ESR2: variants seen among roughly 807,000 people sequenced by gnomAD.
ESR2 encodes the protein estrogen receptor beta.
Under a neutral mutation model 49.6 loss-of-function variants are expected in ESR2, and 36 were observed. That is an observed-to-expected ratio of 0.73 (90% CI 0.56 to 0.96). The LOEUF (loss-of-function observed/expected upper bound fraction) is 0.96. ESR2 is among the 40% of genes least tolerant of loss of function. The probability of loss-of-function intolerance (pLI) is 0.00; values close to 1 mark genes in which losing one functional copy is unlikely to be tolerated. For synonymous variants in ESR2, 320 were observed against 266.1 expected (o/e 1.20, Z -1.97); for missense variants, 714 against 693.0 (o/e 1.03, Z -0.34).
At chr14:64,237,894 T>C (rs965342104) in intron 7 of ESR2, among the ~76,000 whole-genome samples, 2 of 152,096 alleles carry the variant, frequency 1.3e-5, no homozygotes, top group Admixed American at 6.5e-5. Context: ...GAGTGGGAAA[T>C]GATGGCTAAG....
chr14:64,289,238 C>A (rs763550766), intron 1 of ESR2, among the ~76,000 whole-genome samples: 13 of 151,814 alleles, frequency 8.6e-5, no homozygotes, highest in Non-Finnish European at 1.8e-4. Context: ...TGAGGCCGGG[C>A]GCAGTGGCTC....
chr14:64,284,899 G>A (rs2076758137), intron 1 of ESR2, among the ~76,000 whole-genome samples: 1 of 151,050 alleles, frequency 6.6e-6, no homozygotes, highest in African/African-American at 2.4e-5. Context: ...ACCCAGGCTG[G>A]AGTGCAGTGG....
At chr14:64,235,948 T>G (rs1360355740) in intron 7 of ESR2, among the ~76,000 whole-genome samples, 1 of 152,208 alleles carries the variant, frequency 6.6e-6, no homozygotes, top group East Asian at 1.9e-4. Flanking sequence ...GACCCCTGCC[T>G]GACTCCTTGA....
At chr14:64,330,848 C>T (rs562680805) in intron 1 of ESR2, 2 of 151,606 alleles carry the variant, frequency 1.3e-5, no homozygotes, top group Admixed American at 1.3e-4. Flanking sequence ...TTGCTTGAAC[C>T]TGGCAGGCTG....
intron 1 of ESR2, among the ~76,000 whole-genome samples, chr14:64,321,582 T>C (rs2077324755): frequency 6.6e-6 from 1 of 152,172 alleles, no homozygotes; most frequent in Admixed American, 6.6e-5. Flanking sequence ...AGATGGACCA[T>C]TATGTCCCCA....
rs558540739 is a variant in ESR2 at position 64,316,877 on chromosome 14, C to G, written c.-91+21021G>C. Among the ~76,000 whole-genome samples the G allele has an allele frequency of 1.1e-4, 16 of 152,216 alleles. No homozygotes were observed. In the East Asian group the frequency reaches 3.1e-3, roughly 29 times the overall value. ...CATGAATATATACAAAAATCCTTAA[C>G]AAAATATTATCAAATCAAATTCAGC... is the stretch of plus-strand genomic sequence containing the variant. On this transcript the variant is annotated intron_variant, in intron 1 of 8. Coordinates refer to the ESR2 transcript ENST00000358599.
chr14:64,289,265 C>T (rs2076831399), intron 1 of ESR2, among the ~76,000 whole-genome samples: 1 of 152,126 alleles, frequency 6.6e-6, no homozygotes, highest in East Asian at 1.9e-4. Flanking sequence ...GTAACCCCAG[C>T]ACTTTGGGAG....
intron 1 of ESR2, among the ~76,000 whole-genome samples, chr14:64,311,741 A>G (rs1323752129): frequency 6.6e-6 from 1 of 151,912 alleles, no homozygotes; most frequent in African/African-American, 2.4e-5. Flanking sequence ...TGAGCTCAAG[A>G]GTTCAAGGCT....
At chr14:64,242,436 CAAACAAACA>C (rs2075749856) in intron 7 of ESR2, among the ~76,000 whole-genome samples, 5 of 94,722 alleles carry the variant, frequency 5.3e-5, no homozygotes, top group African/African-American at 2.9e-4. Flanking sequence ...ACAAAACAAA[CAAACAAACA>C]AAAAAAATAT....
In ESR2 at chr14:64,257,184, C is replaced by T. The variant is rs1169108348; in HGVS notation, c.1091+42G>A. The T allele has an allele frequency of 1.9e-6, 3 of 1,598,560 alleles. No homozygotes were observed. The Admixed American group carries it at 5.0e-5, about 27-fold the overall frequency. ...TTGTTCCCACTCACTAAGCACCTTA[C>T]TCAAACAAGTCAGAGAAGAAACACA... On this transcript the variant is annotated intron_variant, in intron 6 of 8. Transcript: ENST00000341099.
chr14:64,337,653 A>G (rs1385008501), intron 1 of ESR2: 1 of 152,228 alleles, frequency 6.6e-6, no homozygotes, highest in Non-Finnish European at 1.5e-5. Context: ...ACGTTATGGT[A>G]TGTACATTAT....
intron 3 of ESR2, among the ~76,000 whole-genome samples, chr14:64,274,892 C>A (rs938247136): frequency 3.3e-5 from 5 of 152,132 alleles, no homozygotes; most frequent in African/African-American, 4.8e-5. Context: ...GGTTTAATTT[C>A]CATGTTTGTA....
intron 1 of ESR2, among the ~76,000 whole-genome samples, chr14:64,320,095 C>CAA (rs558093344): frequency 3.3e-4 from 48 of 144,632 alleles, no homozygotes; most frequent in African/African-American, 9.9e-4. Flanking sequence ...ATATTATTTG[C>CAA]AAAAAAAAAA....
At chr14:64,273,785 C>A (rs569646909) in intron 3 of ESR2, among the ~76,000 whole-genome samples, 5 of 152,098 alleles carry the variant, frequency 3.3e-5, no homozygotes, top group Non-Finnish European at 7.4e-5. Flanking sequence ...TCTGGTATCA[C>A]GGTAATACTG....
At chr14:64,240,667 G>T (rs1232304826) in intron 7 of ESR2, among the ~76,000 whole-genome samples, 2 of 152,162 alleles carry the variant, frequency 1.3e-5, no homozygotes, top group African/African-American at 2.4e-5. Context: ...GCAAGTTTTT[G>T]CATTCAGTAG....
At chr14:64,321,492 T>C (rs955791254) in intron 1 of ESR2, among the ~76,000 whole-genome samples, 1 of 152,092 alleles carries the variant, frequency 6.6e-6, no homozygotes. Context: ...ATGATAGACA[T>C]AAACACATTT....
In ESR2 at chr14:64,260,429, T is replaced by C; in HGVS notation, c.952+20A>G. 6.6e-7 allele frequency: 1 copy of C among 1,523,350 alleles called. No individual in the cohort carries two copies. The highest frequency in any genetic ancestry group is 8.8e-7 in the Non-Finnish European group (1 of 1,136,812). 94.4% of individuals were successfully genotyped at this position (1,523,350 alleles called of 1,614,324 possible). On this transcript the variant is annotated intron_variant, in intron 5 of 8. Transcript: ENST00000341099. Reference sequence around the variant, plus strand: ...GCCTTTCTACAAGTACATGGAAAACTGATAGCCAGAAAGCCCTACCGGGAA... The same window carrying C: ...GCCTTTCTACAAGTACATGGAAAACCGATAGCCAGAAAGCCCTACCGGGAA...
At chr14:64,241,076 G>C (rs1048195727) in intron 7 of ESR2, among the ~76,000 whole-genome samples, 1 of 148,520 alleles carries the variant, frequency 6.7e-6, no homozygotes, top group East Asian at 2.1e-4. Flanking sequence ...AACCCTGGAG[G>C]CGGAGCTTGC....
At chr14:64,336,962 T>C (rs1413641956) in intron 1 of ESR2, among the ~76,000 whole-genome samples, 3 of 152,338 alleles carry the variant, frequency 2.0e-5, no homozygotes, top group South Asian at 4.1e-4. Context: ...ATTAAAAAAA[T>C]AGATGAATCT....
Sources: allele counts gnomAD v4.1 joint callset (sites outside exome capture counted in the v4.1 genomes callset), GRCh38; gene constraint gnomAD v4.1.1; transcripts MANE v1.5; gene names NCBI Gene and HGNC (gene_info 2026-07-23, HGNC 2026-07-21).